Variants in TRIQK observed in about 807,000 individuals in gnomAD.
The protein encoded by TRIQK is triple QxxK/R motif containing.
TRIQK carries 10 observed loss-of-function variants against 10.8 expected under a neutral mutation model. The observed-to-expected ratio is 0.92, with a 90% confidence interval of 0.57 to 1.57. The LOEUF (loss-of-function observed/expected upper bound fraction) is 1.57. Among genes scored for constraint, TRIQK ranks in the 40% most tolerant of loss-of-function variants. The pLI is 0.00. For synonymous variants in TRIQK, 33 were observed against 33.7 expected, an observed-to-expected ratio of 0.98 and a Z score of 0.07; for missense variants, 107 against 97.7, an observed-to-expected ratio of 1.09 and a Z score of -0.40.
At chr8:92,953,289 T>C (rs910963289) in intron 2 of TRIQK, 1 of 152,026 alleles carries the variant, frequency 6.6e-6, no homozygotes, top group Non-Finnish European at 1.5e-5. Context: ...CATTCATATG[T>C]TCACTCATCA....
chr8:92,996,200 C>T (rs185354876), intron 1 of TRIQK, among the ~76,000 whole-genome samples: 1 of 152,140 alleles, frequency 6.6e-6, no homozygotes, highest in East Asian at 1.9e-4. Flanking sequence ...GCAAGATTTG[C>T]ATAATTTTTG....
At chr8:92,936,786 T>C (rs935503532) in intron 2 of TRIQK, among the ~76,000 whole-genome samples, 10 of 151,728 alleles carry the variant, frequency 6.6e-5, no homozygotes, top group Non-Finnish European at 1.0e-4. Flanking sequence ...TATGAAATTA[T>C]TTGTAAGAGC....
At chr8:92,897,099 G>A (rs184908415) in intron 3 of TRIQK, among the ~76,000 whole-genome samples, 61 of 152,294 alleles carry the variant, frequency 4.0e-4, no homozygotes, top group African/African-American at 1.3e-3. Context: ...TTACAGGCAT[G>A]AGCCACCATG....
intron 1 of TRIQK, chr8:92,972,842 T>G (rs1812888793): frequency 6.6e-6 from 1 of 152,160 alleles, no homozygotes; most frequent in Non-Finnish European, 1.5e-5. Flanking sequence ...GGTCAGAAGG[T>G]TCCCCTGTTT....
At chr8:92,995,235 G>A (rs1043430191) in intron 1 of TRIQK, among the ~76,000 whole-genome samples, 7 of 151,984 alleles carry the variant, frequency 4.6e-5, no homozygotes, top group African/African-American at 1.7e-4. Flanking sequence ...CTTAATGCCT[G>A]TTATCCCGCT....
chr8:92,967,230 C>T (rs1210687010), upstream of TRIQK, among the ~76,000 whole-genome samples: 1 of 151,732 alleles, frequency 6.6e-6, no homozygotes, highest in African/African-American at 2.4e-5. Context: ...CTTTTTCCTT[C>T]CATATTAAAC....
At chr8:92,889,656 A>T (rs1232566163) in intron 4 of TRIQK, among the ~76,000 whole-genome samples, 3 of 151,664 alleles carry the variant, frequency 2.0e-5, no homozygotes. Flanking sequence ...ATGTTTTCTC[A>T]ATCAGCTAAT....
At chr8:92,930,710 G>A (rs1448042871) in intron 2 of TRIQK, among the ~76,000 whole-genome samples, 2 of 152,082 alleles carry the variant, frequency 1.3e-5, no homozygotes, top group African/African-American at 4.8e-5. Context: ...TGCTTTTCCT[G>A]ATGAGACAAA....
intron 2 of TRIQK, among the ~76,000 whole-genome samples, chr8:92,947,737 CTTAA>C (rs1425970430): frequency 6.6e-6 from 1 of 151,534 alleles, no homozygotes; most frequent in Non-Finnish European, 1.5e-5. Context: ...ACATCCATTA[CTTAA>C]TTCTTTAAAA....
intron 2 of TRIQK, among the ~76,000 whole-genome samples, chr8:92,917,337 G>C (rs1809918246): frequency 6.6e-6 from 1 of 151,810 alleles, no homozygotes; most frequent in Admixed American, 6.6e-5. Context: ...TGGGGCTTTT[G>C]GCATACTTTT....
Position 92,950,502 on chromosome 8 carries a change from C to G in TRIQK, c.-22+3904G>C, listed in dbSNP as rs1298454928. Among the ~76,000 whole-genome samples, 7 of 152,178 alleles carry G rather than the reference C, an allele frequency of 4.6e-5. No individual in the cohort carries two copies. The East Asian group carries it at 1.2e-3, about 25-fold the overall frequency. On this transcript the variant is annotated intron_variant, in intron 2 of 4. Transcript: ENST00000521988. ...TTCTCAGGTAAACACTTCCACAATT[C>G]TTTATTCTGTATTCTCTTTAGGAGT... is the stretch of plus-strand genomic sequence containing the variant.
At chr8:92,999,493 C>T (rs145485395) in intron 1 of TRIQK, among the ~76,000 whole-genome samples, 3 of 152,058 alleles carry the variant, frequency 2.0e-5, no homozygotes, top group African/African-American at 7.2e-5. Flanking sequence ...CTCGTTTAAA[C>T]CAGATCACAT....
chr8:92,979,195 T>C (rs1056920770), intron 1 of TRIQK, among the ~76,000 whole-genome samples: 16 of 152,234 alleles, frequency 1.1e-4, no homozygotes, highest in Admixed American at 9.2e-4. Flanking sequence ...AGATGAAAGC[T>C]TAGCTGTGTT....
At chr8:92,931,266 T>G (rs1810708657) in intron 2 of TRIQK, among the ~76,000 whole-genome samples, 1 of 152,198 alleles carries the variant, frequency 6.6e-6, no homozygotes, top group Non-Finnish European at 1.5e-5. Context: ...TTAAAATTTT[T>G]ATTTTTCTTA....
chr8:92,980,262 A>G (rs1294011248), intron 1 of TRIQK, among the ~76,000 whole-genome samples: 1 of 151,900 alleles, frequency 6.6e-6, no homozygotes, highest in Non-Finnish European at 1.5e-5. Flanking sequence ...AATTTACTTT[A>G]TCTAGAGAAA....
intron 2 of TRIQK, among the ~76,000 whole-genome samples, chr8:92,918,374 C>G (rs1363232835): frequency 1.3e-5 from 2 of 151,844 alleles, no homozygotes; most frequent in African/African-American, 2.4e-5. Context: ...CTCCACATCC[C>G]CACCAACACT....
chr8:92,905,844 A>C (rs1419147878), intron 3 of TRIQK, among the ~76,000 whole-genome samples: 1 of 152,196 alleles, frequency 6.6e-6, no homozygotes, highest in East Asian at 1.9e-4. Context: ...CCCCTTCAGC[A>C]AGTAGCATCT....
intron 2 of TRIQK, among the ~76,000 whole-genome samples, chr8:92,924,525 A>G (rs1341217547): frequency 6.6e-6 from 1 of 151,942 alleles, no homozygotes; most frequent in Non-Finnish European, 1.5e-5. Flanking sequence ...TGTGAAACCT[A>G]TATATTGTAA....
intron 1 of TRIQK, among the ~76,000 whole-genome samples, chr8:92,993,761 G>A: frequency 6.6e-6 from 1 of 152,210 alleles, no homozygotes; most frequent in East Asian, 1.9e-4. Flanking sequence ...ATCAGTCTGG[G>A]AGATCGAGAA....
Sources: gnomAD v4.1 joint callset for allele counts (sites outside exome capture counted in the v4.1 genomes callset) on GRCh38, gnomAD v4.1.1 for gene constraint, MANE v1.5 for transcripts, NCBI Gene and HGNC (gene_info 2026-07-23, HGNC 2026-07-21) for gene names.